Variants in SPANXN3 observed in about 807,000 individuals in gnomAD.
The protein encoded by SPANXN3 is SPANX family member N3.
A neutral mutation model predicts 1.9 loss-of-function variants in SPANXN3; 1 was observed. That is an observed-to-expected ratio of 0.54 (90% CI 0.19 to 2.54). The LOEUF is 2.54. Ranked by LOEUF, SPANXN3 falls within the 30% of genes most tolerant of loss-of-function variation. The probability of loss-of-function intolerance (pLI) is 0.24; values close to 1 mark genes in which losing one functional copy is unlikely to be tolerated. For synonymous variants in SPANXN3, 47 were observed against 40.0 expected (o/e 1.17, Z -0.66); for missense variants, 113 against 96.2 (o/e 1.17, Z -0.73).
intron 1 of SPANXN3, among the ~76,000 whole-genome samples, chrX:143,513,699 G>C (rs1396065058): frequency 9.0e-6 from 1 of 111,637 alleles, no homozygotes; most frequent in African/African-American, 3.3e-5. Context: ...TCTCACTCCT[G>C]TCTGGACCTC....
chrX:143,513,724 C>T (rs782771331), intron 1 of SPANXN3, among the ~76,000 whole-genome samples: 4 of 112,077 alleles, frequency 3.6e-5, no homozygotes, highest in Admixed American at 1.9e-4. Flanking sequence ...ACTCCCTCTC[C>T]TCCTCCTTCC....
rs1323833328 is a variant in SPANXN3, at chrX:143,508,889, A to G, written c.352T>C (p.Ser118Pro). 1 of 1,209,980 alleles carries G rather than the reference A, an allele frequency of 8.3e-7. No homozygotes were observed. The highest frequency in any genetic ancestry group is 1.1e-6 in the Non-Finnish European group (1 of 895,171). Residue 118 changes from serine to proline, a missense_variant, in exon 2 of 2, where the codon TCT becomes CCT. Transcript: ENST00000370503. ...PSKEDKDLDS[S>P]EGSSQEDEDL... ...TCATCCTCCTGTGAGGATCCTTCAG[A>G]TGAGTCTAGATCTTTGTCCTCCTTT...
chrX:143,511,346 G>A (rs782148715), intron 1 of SPANXN3, among the ~76,000 whole-genome samples: 11 of 111,347 alleles, frequency 9.9e-5, no homozygotes, highest in South Asian at 3.9e-4. Context: ...AAATAAAGTC[G>A]CCCCTGCTCT....
chrX:143,517,228 G>A lies in SPANXN3; in HGVS notation c.78+86C>T, dbSNP rs74909240. ...TCCCCCACTTCCACAGGTGTCTGCA[G>A]TATTCCTGTGTTGCTGTTTGAGCCA... On this transcript the variant is annotated intron_variant, in intron 1 of 1. Transcript: ENST00000370503. 7,369 of 1,038,398 alleles carry A rather than the reference G, an allele frequency of 7.1e-3. 257 individuals carry two copies. In the African/African-American group the frequency reaches 0.12, roughly 16 times the overall value. The allele number at this position is 1,038,398 out of a possible 1,213,427, so 85.6% of individuals were successfully genotyped here.
Position 143,517,399 on chromosome X carries a change from G to C in SPANXN3, c.-8C>G, listed in dbSNP as rs185323623. 9.1e-6 allele frequency: 11 copies of C among 1,208,448 alleles called. No individual in the cohort carries two copies. The highest frequency in any genetic ancestry group is 8.9e-5 in the East Asian group (3 of 33,707). On this transcript the variant is annotated 5_prime_UTR_variant, in exon 1 of 2. Transcript: ENST00000370503. ...GGAAGTTGGCTGTTCCATGATTCTG[G>C]TTGGTTGTAGAATGTCTATAGTAGG...
intron 1 of SPANXN3, among the ~76,000 whole-genome samples, chrX:143,510,576 A>T (rs1929069300): frequency 9.0e-6 from 1 of 111,569 alleles, no homozygotes; most frequent in Non-Finnish European, 1.9e-5. Context: ...TCAACTTTCA[A>T]ATTCAACATC....
At chrX:143,514,404 ATTC>A (rs1556412186) in intron 1 of SPANXN3, among the ~76,000 whole-genome samples, 1 of 111,737 alleles carries the variant, frequency 8.9e-6, no homozygotes, top group African/African-American at 3.3e-5. Context: ...AATTATATAC[ATTC>A]TTCTGCCATG....
chrX:143,514,520 G>A (rs1929169890), intron 1 of SPANXN3, among the ~76,000 whole-genome samples: 1 of 111,254 alleles, frequency 9.0e-6, no homozygotes, highest in Non-Finnish European at 1.9e-5. Flanking sequence ...AAGGTCTGAG[G>A]ACACTTACCA....
At position 143,509,294 on chromosome X, in the gene SPANXN3, G is replaced by T. The variant is rs782589533; in HGVS notation, c.79-132C>A. ...GGTGTGTGCCAGAGAAGAACAAGGT[G>T]AAATCATAGGGTAGGTATCTATGCA... On this transcript the variant is annotated intron_variant, in intron 1 of 1. Coordinates refer to ENST00000370503, the MANE Select transcript of SPANXN3 (RefSeq NM_001009609.4). 1.7e-3 allele frequency: 903 copies of T among 529,206 alleles called. 2 individuals carry two copies. Among genetic ancestry groups the T allele is most frequent in the South Asian group, 3.0e-3 (97 of 32,644 alleles). The allele number at this position is 529,206 out of a possible 1,213,427, so 43.6% of individuals were successfully genotyped here. A position where few individuals can be genotyped will look rare whatever the true frequency, so the allele number is the denominator to read the frequency against.
intron 1 of SPANXN3, among the ~76,000 whole-genome samples, chrX:143,513,171 C>T (rs1556412008): frequency 8.9e-6 from 1 of 111,914 alleles, no homozygotes; most frequent in Non-Finnish European, 1.9e-5. Context: ...AGCCACTAAA[C>T]AGGGCCTCAC....
chrX:143,516,081 A>G (rs1269853908), intron 1 of SPANXN3, among the ~76,000 whole-genome samples: 3 of 112,139 alleles, frequency 2.7e-5, no homozygotes, highest in Non-Finnish European at 5.6e-5. Flanking sequence ...TGTCAGGGCT[A>G]CAATGGCTAT....
rs1556411260 is a variant in SPANXN3 at position 143,509,007 on chromosome X, G to A, written c.234C>T (p.Ile78=). Residue 78 remains isoleucine, a synonymous_variant, in exon 2 of 2, where the codon ATC becomes ATT. Transcript: ENST00000370503. The part of the protein sequence containing the change: ...LENEQSQENS[I]NPIQKEEDEG... ...CGTCCTCCTCCTTTTGGATTGGATT[G>A]ATGGAGTTCTCTTGGGACTGTTCAT... 8.3e-7 allele frequency: 1 copy of A among 1,212,062 alleles called. No individual in the cohort carries two copies.
intron 1 of SPANXN3, among the ~76,000 whole-genome samples, chrX:143,510,861 A>C (rs1292499813): frequency 9.5e-6 from 1 of 105,416 alleles, no homozygotes; most frequent in Non-Finnish European, 2.0e-5. Context: ...GTCACCCTCC[A>C]TCCCCCTTCC....
In SPANXN3 at chrX:143,508,851, T is replaced by G. The variant is rs1556411216; in HGVS notation, c.390A>C (p.Leu130Phe). 1 of 1,211,769 alleles carries G rather than the reference T, an allele frequency of 8.3e-7. No homozygotes were observed. The highest frequency in any genetic ancestry group is 1.8e-5 in the South Asian group (1 of 56,957). ...GSSQEDEDLG[L>F]SEGSSQDSGE... ...CACTGTCCTGTGAAGATCCTTCAGA[T>G]AAGCCTAGGTCTTCATCCTCCTGTG... Residue 130 changes from leucine (L) to phenylalanine (F), a missense_variant, in exon 2 of 2, where the codon TTA (leucine) becomes TTC (phenylalanine). Leu to Phe is a conservative substitution (Grantham distance 22, BLOSUM62 0). Coordinates refer to ENST00000370503, the MANE Select transcript of SPANXN3 (RefSeq NM_001009609.4).
intron 1 of SPANXN3, among the ~76,000 whole-genome samples, chrX:143,512,181 C>T (rs1230711041): frequency 1.8e-5 from 2 of 109,871 alleles, no homozygotes; most frequent in Non-Finnish European, 3.8e-5. Context: ...CAATGCGGCT[C>T]CTACAATTCT....
intron 1 of SPANXN3, among the ~76,000 whole-genome samples, 168 bp downstream of exon 1, chrX:143,517,146 C>A (rs1287472553): frequency 9.0e-6 from 1 of 110,707 alleles, no homozygotes; most frequent in African/African-American, 3.3e-5. Context: ...GCCCCTCCCA[C>A]CCCTACCTAC....
At chrX:143,515,936 C>T (rs1233337977) in intron 1 of SPANXN3, among the ~76,000 whole-genome samples, 4 of 111,595 alleles carry the variant, frequency 3.6e-5, no homozygotes, top group Admixed American at 9.6e-5. Flanking sequence ...ATGTTACAAA[C>T]GGATTCCATA....
At chrX:143,513,747 A>G (rs1455715226) in intron 1 of SPANXN3, among the ~76,000 whole-genome samples, 4 of 111,676 alleles carry the variant, frequency 3.6e-5, no homozygotes, top group African/African-American at 1.3e-4. Flanking sequence ...CACATTTCAC[A>G]TGCCCCTTTG....
chrX:143,517,032 T>C (rs1372751547), intron 1 of SPANXN3, among the ~76,000 whole-genome samples: 1 of 111,009 alleles, frequency 9.0e-6, no homozygotes, highest in African/African-American at 3.3e-5. Context: ...TGGGCAAAGT[T>C]TCAAGATACA....
Sources: gnomAD v4.1 joint callset for allele counts (sites outside exome capture counted in the v4.1 genomes callset) on GRCh38, gnomAD v4.1.1 for gene constraint, MANE v1.5 for transcripts, NCBI Gene and HGNC (gene_info 2026-07-23, HGNC 2026-07-21) for gene names.